Variants in LDLRAP1 observed in about 807,000 individuals in gnomAD.
The protein encoded by LDLRAP1 is low density lipoprotein receptor adapter protein 1.
Under a neutral mutation model 37.8 loss-of-function variants are expected in LDLRAP1, and 30 were observed. That is an observed-to-expected ratio of 0.79 (90% CI 0.59 to 1.08). The LOEUF (loss-of-function observed/expected upper bound fraction) is 1.08. Among genes scored for constraint, LDLRAP1 ranks in the 50% least tolerant of loss-of-function variants. The pLI is 0.00. For missense variants in LDLRAP1, 375 were observed against 401.6 expected (o/e 0.93, Z 0.57); for synonymous variants, 156 against 169.8 (o/e 0.92, Z 0.63).
chr1:25,563,552 C>G, intron 6 of LDLRAP1, 109 bp from the exon 7 acceptor site: 1 of 1,494,842 alleles, frequency 6.7e-7, no homozygotes, highest in Non-Finnish European at 9.1e-7. Context: ...GCTGGGAGGC[C>G]TGGGCAAGGC....
the LDLRAP1 span, among the ~76,000 whole-genome samples, chr1:25,574,814 G>A: frequency 6.6e-6 from 1 of 152,192 alleles, no homozygotes; most frequent in African/African-American, 2.4e-5. Context: ...AAGGGTGAGA[G>A]GCCTGTGTGT....
intron 4 of LDLRAP1, among the ~76,000 whole-genome samples, chr1:25,559,212 C>T (rs2124680403): frequency 6.6e-6 from 1 of 152,178 alleles, no homozygotes; most frequent in East Asian, 1.9e-4. Context: ...TCCTTATGTC[C>T]CCATTGTTCA....
intron 4 of LDLRAP1, among the ~76,000 whole-genome samples, chr1:25,558,856 A>T (rs1361742534): frequency 1.3e-5 from 2 of 152,194 alleles, no homozygotes. Flanking sequence ...GGGGGCGGAC[A>T]CACGATTCAG....
chr1:25,549,538 G>A (rs966417057), intron 1 of LDLRAP1, among the ~76,000 whole-genome samples: 2 of 152,224 alleles, frequency 1.3e-5, no homozygotes, highest in African/African-American at 4.8e-5. Flanking sequence ...CAGGCATATG[G>A]TCTGTCCCCA....
chr1:25,573,096 G>C (rs552330972), downstream of LDLRAP1, among the ~76,000 whole-genome samples: 119 of 151,932 alleles, frequency 7.8e-4, no homozygotes, highest in African/African-American at 2.8e-3. Flanking sequence ...TTTGCGGGGC[G>C]GGGGGAGGTC....
chr1:25,577,084 A>G, the LDLRAP1 span, among the ~76,000 whole-genome samples: 1 of 152,338 alleles, frequency 6.6e-6, no homozygotes, highest in South Asian at 2.1e-4. Context: ...GGCAGCAGAG[A>G]CCCTGTGCCA....
chr1:25,543,813 G>A, intron 1 of LDLRAP1, 27 bp downstream of exon 1: 1 of 1,197,132 alleles, frequency 8.4e-7, no homozygotes, highest in Non-Finnish European at 1.0e-6. Context: ...CAGCCGGGCC[G>A]GGCCGGGATC....
chr1:25,575,974 A>G, the LDLRAP1 span, among the ~76,000 whole-genome samples: 1 of 152,140 alleles, frequency 6.6e-6, no homozygotes. Context: ...CACGCCTGTA[A>G]TCCCAGCACT....
At chr1:25,563,602 A>AG (rs2044399376) in intron 6 of LDLRAP1, 59 bp from the exon 7 acceptor site, 7 of 1,605,816 alleles carry the variant, frequency 4.4e-6, no homozygotes, top group Non-Finnish European at 3.4e-6. Context: ...CAGCCCAGGG[A>AG]GGGGGCCAGG....
At chr1:25,564,985 T>G in intron 7 of LDLRAP1, 188 bp from the exon 8 acceptor site, 1 of 646,642 alleles carries the variant, frequency 1.5e-6, no homozygotes, top group Non-Finnish European at 2.8e-6. Flanking sequence ...GTCTCCAGCT[T>G]TGGGTCCTTG....
At chr1:25,569,527 G>T (rs1277251900), downstream of LDLRAP1, among the ~76,000 whole-genome samples, 1 of 152,168 alleles carries the variant, frequency 6.6e-6, no homozygotes, top group Non-Finnish European at 1.5e-5. Flanking sequence ...TGAAAATGGT[G>T]CAATGACCTC....
intron 4 of LDLRAP1, among the ~76,000 whole-genome samples, chr1:25,560,734 C>G (rs1351257492): frequency 6.6e-6 from 1 of 152,210 alleles, no homozygotes; most frequent in East Asian, 1.9e-4. Flanking sequence ...CAGCCTGGTT[C>G]CTGGGAACAA....
chr1:25,572,336 G>C (rs965278538), downstream of LDLRAP1, among the ~76,000 whole-genome samples: 1 of 152,176 alleles, frequency 6.6e-6, no homozygotes, highest in African/African-American at 2.4e-5. Flanking sequence ...CCACTTTGCC[G>C]GCTGTCAGAC....
rs867466121 is a variant in LDLRAP1 at position 25,565,054 on chromosome 1, C to T, written c.748-119C>T. ...GCCTGCCTGAGGCCGTGCCTCCAGG[C>T]GCCCACCCTGAGCTTGTGTCCTGAG... is the stretch of plus-strand genomic sequence containing the variant. On this transcript the variant is annotated intron_variant, in intron 7 of 8. Transcript: ENST00000374338. The T allele has an allele frequency of 3.1e-5, 34 of 1,110,404 alleles. No homozygotes were observed. In the African/African-American group the frequency reaches 4.0e-4, roughly 13 times the overall value. The allele number at this position is 1,110,404 out of a possible 1,614,324, so 68.8% of individuals were successfully genotyped here.
chr1:25,588,880 G>C, the LDLRAP1 span, among the ~76,000 whole-genome samples: 1 of 152,072 alleles, frequency 6.6e-6, no homozygotes, highest in Non-Finnish European at 1.5e-5. Flanking sequence ...TTTTCTCTTG[G>C]GTCATGGAGC....
At chr1:25,560,128 C>A (rs571257072) in intron 4 of LDLRAP1, among the ~76,000 whole-genome samples, 52 of 152,232 alleles carry the variant, frequency 3.4e-4, no homozygotes, top group African/African-American at 1.1e-3. Context: ...CGTGCAAACG[C>A]AGAGGGGCGA....
intron 7 of LDLRAP1, chr1:25,564,003 C>CG (rs1201898561): frequency 1.6e-6 from 1 of 639,066 alleles, no homozygotes; most frequent in African/African-American, 1.8e-5. Context: ...GCTCCCAGCA[C>CG]AGCTGTCTCC....
chr1:25,566,479 A>C (rs2044481502), intron 8 of LDLRAP1, among the ~76,000 whole-genome samples: 1 of 152,128 alleles, frequency 6.6e-6, no homozygotes, highest in Admixed American at 6.5e-5. Flanking sequence ...CGGTGTTGAC[A>C]CAGTTATAGC....
rs371937804 is a variant in LDLRAP1, at chr1:25,552,001, G to A, written c.89-1921G>A. 6.6e-5 allele frequency among the ~76,000 whole-genome samples: 10 copies of A among 152,258 alleles called. No individual in the cohort carries two copies. The East Asian group carries it at 1.5e-3, about 24-fold the overall frequency. ...ATAACCCTCCCCAGCCCTGACACCC[G>A]CACCCTCTTTCAGATGAAGAAATGG... is the stretch of plus-strand genomic sequence containing the variant. On this transcript the variant is annotated intron_variant, in intron 1 of 8. Coordinates refer to ENST00000374338, the MANE Select transcript of LDLRAP1 (RefSeq NM_015627.3).
Sources: gnomAD v4.1 joint callset for allele counts (sites outside exome capture counted in the v4.1 genomes callset) on GRCh38, gnomAD v4.1.1 for gene constraint, MANE v1.5 for transcripts, NCBI Gene and HGNC (gene_info 2026-07-23, HGNC 2026-07-21) for gene names.